CACNB2: variants seen among roughly 807,000 people sequenced by gnomAD.
CACNB2 encodes voltage-dependent L-type calcium channel subunit beta-2.
Under a neutral mutation model 73.3 loss-of-function variants are expected in CACNB2, and 42 were observed. That is an observed-to-expected ratio of 0.57 (90% CI 0.45 to 0.74). CACNB2 has a LOEUF of 0.74. Among genes scored for constraint, CACNB2 ranks in the 30% least tolerant of loss-of-function variants. CACNB2 has a pLI of 0.00. For synonymous variants in CACNB2, 348 were observed against 310.3 expected, an observed-to-expected ratio of 1.12 and a Z score of -1.28; for missense variants, 940 against 853.0, an observed-to-expected ratio of 1.10 and a Z score of -1.27.
intron 3 of CACNB2, 130 bp downstream of exon 3, chr10:18,402,173 CA>C: frequency 1.9e-6 from 2 of 1,025,676 alleles, no homozygotes; most frequent in Non-Finnish European, 1.5e-6. Flanking sequence ...TAGAAAGGTA[CA>C]AAAAATGGAG....
chr10:18,368,825 G>A (rs2042459560), intron 2 of CACNB2, among the ~76,000 whole-genome samples: 1 of 151,824 alleles, frequency 6.6e-6, no homozygotes, highest in African/African-American at 2.4e-5. Context: ...GAAACCATAT[G>A]CTCTATAATG....
At chr10:18,334,623 C>G (rs1285448212) in intron 2 of CACNB2, among the ~76,000 whole-genome samples, 5 of 152,102 alleles carry the variant, frequency 3.3e-5, no homozygotes, top group Admixed American at 1.3e-4. Flanking sequence ...AGAAGCTCCC[C>G]TGTGCATTGT....
rs1468159292 is a variant in CACNB2 at position 18,220,246 on chromosome 10, G to T, written c.213+69271G>T. On this transcript the variant is annotated intron_variant, in intron 2 of 13. Coordinates refer to ENST00000324631, the MANE Select transcript of CACNB2 (RefSeq NM_201596.3). ...ATATATATATATAGAGAGAGAGAGA[G>T]AGAGAGAGAGAGAGAGAGAGAGAGA... Among the ~76,000 whole-genome samples the T allele has an allele frequency of 1.9e-3, 203 of 104,442 alleles. 3 individuals are homozygous for T. Among genetic ancestry groups the T allele is most frequent in the African/African-American group, 6.0e-3 (133 of 22,002 alleles). The allele number at this position is 104,442 out of a possible 152,430, so 68.5% of individuals were successfully genotyped here. A position where few individuals can be genotyped will look rare whatever the true frequency, so the allele number is the denominator to read the frequency against.
chr10:18,439,070 G>A (rs10764493), intron 3 of CACNB2, among the ~76,000 whole-genome samples: 131,886 of 152,272 alleles, frequency 0.87, 57,249 homozygotes, highest in East Asian at 0.91. Context: ...CTAACAAAAG[G>A]CACATCTCAC....
At chr10:18,346,304 T>TA (rs1446935146) in intron 2 of CACNB2, among the ~76,000 whole-genome samples, 1 of 152,078 alleles carries the variant, frequency 6.6e-6, no homozygotes, top group Non-Finnish European at 1.5e-5. Flanking sequence ...CACGCCTGGC[T>TA]AATTTTTGTA....
chr10:18,516,811 CTTG>C (rs1251492183), intron 7 of CACNB2, among the ~76,000 whole-genome samples: 6 of 149,054 alleles, frequency 4.0e-5, no homozygotes, highest in South Asian at 2.1e-4. Flanking sequence ...TTATGTTTGT[CTTG>C]TTTTTTTTTT....
chr10:18,488,603 C>T (rs945399832), intron 3 of CACNB2, among the ~76,000 whole-genome samples: 4 of 151,678 alleles, frequency 2.6e-5, no homozygotes, highest in East Asian at 1.9e-4. Flanking sequence ...GGACACCCAT[C>T]GTTCTAACAT....
intron 2 of CACNB2, among the ~76,000 whole-genome samples, chr10:18,310,630 TAAAAAAAAAAAGA>T (rs2039926471): frequency 1.0e-5 from 1 of 99,506 alleles, no homozygotes; most frequent in Admixed American, 1.0e-4. Context: ...AAAAAAAAAG[TAAAAAAAAAAAGA>T]AAATTATAAA....
intron 2 of CACNB2, among the ~76,000 whole-genome samples, chr10:18,180,742 G>A (rs527361382): frequency 7.0e-4 from 106 of 152,062 alleles, no homozygotes; most frequent in African/African-American, 2.4e-3. Context: ...ACGGGCCGGC[G>A]GATCACGAGG....
At chr10:18,237,162 G>A (rs1420011226) in intron 2 of CACNB2, among the ~76,000 whole-genome samples, 1 of 152,124 alleles carries the variant, frequency 6.6e-6, no homozygotes, top group African/African-American at 2.4e-5. Context: ...GTCTGGAGTA[G>A]GAATAGAAAA....
chr10:18,141,120 C>T, intron 1 of CACNB2: 1 of 1,549,716 alleles, frequency 6.5e-7, no homozygotes, highest in South Asian at 1.2e-5. Flanking sequence ...TCCCAGACTT[C>T]TCCCGGGTTG....
Position 18,540,012 on chromosome 10 carries a change from C to T in CACNB2, c.*288C>T. 2.9e-6 allele frequency: 1 copy of T among 346,946 alleles called. No individual in the cohort carries two copies. The highest frequency in any genetic ancestry group is 5.3e-6 in the Non-Finnish European group (1 of 188,256). The allele number at this position is 346,946 out of a possible 1,614,324, so 21.5% of individuals were successfully genotyped here. On this transcript the variant is annotated 3_prime_UTR_variant, in exon 14 of 14. Transcript: ENST00000324631. ...GCTGCCACTTGAACAAAATCTGTTG[C>T]CACCCAGGTGATGTTAGTGTTTTAA... is the stretch of plus-strand genomic sequence containing the variant.
intron 2 of CACNB2, chr10:18,151,228 C>A: frequency 2.5e-6 from 1 of 394,370 alleles, no homozygotes; most frequent in East Asian, 4.7e-5. Flanking sequence ...TTCTTTGAAA[C>A]AGTGAGAGAA....
At chr10:18,522,964 TTA>T (rs1465063944) in intron 9 of CACNB2, among the ~76,000 whole-genome samples, 1 of 150,340 alleles carries the variant, frequency 6.7e-6, no homozygotes, top group African/African-American at 2.5e-5. Context: ...ACAAAAACTA[TTA>T]TAAGTTTCAA....
At chr10:18,151,113 TAATGTCATAATTAAAATA>T in intron 2 of CACNB2, 138 bp downstream of exon 2, 1 of 663,174 alleles carries the variant, frequency 1.5e-6, no homozygotes. Flanking sequence ...CGGTGCTGTT[TAATGTCATAATTAAAATA>T]TTTTAATCTT....
At chr10:18,529,202 A>G (rs572074947) in intron 10 of CACNB2, among the ~76,000 whole-genome samples, 49 of 152,366 alleles carry the variant, frequency 3.2e-4, no homozygotes, top group African/African-American at 9.9e-4. Flanking sequence ...TAGACTCATC[A>G]GTGGAATCAA....
chr10:18,447,209 T>A (rs1376494842), intron 3 of CACNB2, among the ~76,000 whole-genome samples: 1 of 147,106 alleles, frequency 6.8e-6, no homozygotes, highest in Non-Finnish European at 1.5e-5. Context: ...TAGAATATGG[T>A]TTCCACTAAA....
intron 3 of CACNB2, among the ~76,000 whole-genome samples, chr10:18,433,963 G>A (rs1253613271): frequency 6.6e-6 from 1 of 151,424 alleles, no homozygotes; most frequent in Non-Finnish European, 1.5e-5. Flanking sequence ...AACATACTGT[G>A]CTACAGTATT....
intron 2 of CACNB2, among the ~76,000 whole-genome samples, chr10:18,210,109 T>C (rs2035257445): frequency 6.6e-6 from 1 of 152,172 alleles, no homozygotes; most frequent in South Asian, 2.1e-4. Context: ...GAACAGCTCT[T>C]CCTAGCCATG....
Sources: allele counts gnomAD v4.1 joint callset (sites outside exome capture counted in the v4.1 genomes callset), GRCh38; gene constraint gnomAD v4.1.1; transcripts MANE v1.5; gene names NCBI Gene and HGNC (gene_info 2026-07-23, HGNC 2026-07-21).